Variants in KCNT2 observed in about 807,000 individuals in gnomAD.
The protein encoded by KCNT2 is potassium sodium-activated channel subfamily T member 2.
A neutral mutation model predicts 153.8 loss-of-function variants in KCNT2; 67 were observed. The ratio of observed to expected loss-of-function variants is 0.44; its 90% CI spans 0.36 to 0.53. The LOEUF (loss-of-function observed/expected upper bound fraction) is 0.53. Among genes scored for constraint, KCNT2 ranks in the 20% least tolerant of loss-of-function variants. The pLI is 0.00. For missense variants in KCNT2, 975 were observed against 1,354.8 expected (o/e 0.72, Z 4.40); for synonymous variants, 500 against 458.8 (o/e 1.09, Z -1.15).
intron 14 of KCNT2, among the ~76,000 whole-genome samples, chr1:196,369,411 G>T (rs562897190): frequency 5.3e-5 from 8 of 151,908 alleles, no homozygotes; most frequent in African/African-American, 1.9e-4. Context: ...TGCCATGCTG[G>T]TGTGCTGCAC....
intron 21 of KCNT2, among the ~76,000 whole-genome samples, chr1:196,308,636 T>C (rs1361852227): frequency 6.6e-6 from 1 of 152,000 alleles, no homozygotes; most frequent in Non-Finnish European, 1.5e-5. Flanking sequence ...TACCTCCAAT[T>C]ATTAGTTTAT....
At chr1:196,311,313 C>T (rs1662156970) in intron 21 of KCNT2, among the ~76,000 whole-genome samples, 1 of 151,772 alleles carries the variant, frequency 6.6e-6, no homozygotes, top group Non-Finnish European at 1.5e-5. Context: ...CTGACACTTA[C>T]TAGATGCTCA....
At chr1:196,302,732 T>C (rs926853115) in intron 22 of KCNT2, among the ~76,000 whole-genome samples, 1 of 148,594 alleles carries the variant, frequency 6.7e-6, no homozygotes, top group Non-Finnish European at 1.5e-5. Flanking sequence ...CAGCACAACT[T>C]TTTTTTTTTT....
At chr1:196,267,621 C>T (rs1657669259) in intron 25 of KCNT2, among the ~76,000 whole-genome samples, 1 of 152,180 alleles carries the variant, frequency 6.6e-6, no homozygotes. Context: ...CACAGTGGTG[C>T]TCGTGGGCTT....
At chr1:196,351,383 G>A (rs1355869700) in intron 14 of KCNT2, among the ~76,000 whole-genome samples, 2 of 152,106 alleles carry the variant, frequency 1.3e-5, no homozygotes, top group African/African-American at 4.8e-5. Flanking sequence ...ATTTCATTGA[G>A]CAGTGGTTTG....
chr1:196,425,595 T>C (rs1328864470), intron 11 of KCNT2, among the ~76,000 whole-genome samples: 3 of 152,010 alleles, frequency 2.0e-5, no homozygotes, highest in African/African-American at 7.2e-5. Flanking sequence ...GGCCACTTTT[T>C]TCATTGTGCT....
intron 1 of KCNT2, among the ~76,000 whole-genome samples, chr1:196,604,826 A>T (rs974058049): frequency 2.0e-5 from 3 of 152,086 alleles, no homozygotes; most frequent in African/African-American, 7.2e-5. Context: ...AAAGCAATGC[A>T]TATCTGTTAC....
intron 20 of KCNT2, among the ~76,000 whole-genome samples, chr1:196,319,134 T>C (rs989142230): frequency 6.6e-6 from 1 of 151,748 alleles, no homozygotes; most frequent in Admixed American, 6.6e-5. Flanking sequence ...TTTCCAGAAG[T>C]TATCGTAACG....
chr1:196,442,241 T>C (rs1220473394), intron 8 of KCNT2, among the ~76,000 whole-genome samples: 1 of 151,870 alleles, frequency 6.6e-6, no homozygotes, highest in Non-Finnish European at 1.5e-5. Context: ...TTAATCACTT[T>C]ACCTTTCTAC....
chr1:196,413,833 G>T (rs1301058087), intron 12 of KCNT2, among the ~76,000 whole-genome samples: 2 of 151,542 alleles, frequency 1.3e-5, no homozygotes, highest in Non-Finnish European at 3.0e-5. Flanking sequence ...CCACAGGAGA[G>T]TATTTGTAAT....
chr1:196,258,925 T>G (rs1175664320), intron 25 of KCNT2, among the ~76,000 whole-genome samples: 1 of 152,130 alleles, frequency 6.6e-6, no homozygotes, highest in African/African-American at 2.4e-5. Flanking sequence ...TTAAGATAAC[T>G]ATCTTAGATT....
intron 20 of KCNT2, 45 bp from the exon 21 acceptor site, chr1:196,316,071 C>A: frequency 6.4e-7 from 1 of 1,570,522 alleles, no homozygotes; most frequent in Non-Finnish European, 8.7e-7. Flanking sequence ...AAATAAATCA[C>A]AATGTTATAA....
chr1:196,366,803 G>GT (rs1218141945), intron 14 of KCNT2, among the ~76,000 whole-genome samples: 2 of 151,998 alleles, frequency 1.3e-5, no homozygotes, highest in Non-Finnish European at 2.9e-5. Flanking sequence ...GATTTTTCTG[G>GT]TTTTTTAAGA....
rs151095509 is a variant in KCNT2, at chr1:196,394,047, C to A, written c.1294+4516G>T. Among the ~76,000 whole-genome samples the A allele has an allele frequency of 1.4e-4, 21 of 151,518 alleles. No homozygotes were observed. The South Asian group carries it at 3.9e-3, about 28-fold the overall frequency. On this transcript the variant is annotated intron_variant, in intron 13 of 27. Coordinates refer to ENST00000294725, the MANE Select transcript of KCNT2 (RefSeq NM_198503.5). ...AAATGATTTGACATAACCAAAGCCA[C>A]GCTAACATCTGAATTTTGAACCATA...
chr1:196,329,426 A>G (rs538311689), intron 18 of KCNT2, among the ~76,000 whole-genome samples: 73 of 152,064 alleles, frequency 4.8e-4, no homozygotes, highest in Non-Finnish European at 9.3e-4. Flanking sequence ...TGCCTCCATC[A>G]ATCCTGTTCT....
rs139410476 is a variant in KCNT2, at chr1:196,331,204, A to G, written c.2055T>C (p.Cys685=). The part of the protein sequence containing the change: ...SPYIGSSPTF[C]HLLHEKVPFC... The stretch of plus-strand genomic sequence containing the variant: ...ATGGTACTTTTTCATGAAGGAGATG[A>G]CAAAAAGTGGGTGAACTTCCTATAT... The change falls in exon 18 of 28, where the codon TGT becomes TGC. Residue 685 remains cysteine (C), a synonymous_variant. Coordinates refer to ENST00000294725, the MANE Select transcript of KCNT2 (RefSeq NM_198503.5). 34 of 1,610,232 alleles carry G rather than the reference A, an allele frequency of 2.1e-5. No homozygotes were observed. The highest frequency in any genetic ancestry group is 2.8e-5 in the Non-Finnish European group (33 of 1,176,880).
intron 26 of KCNT2, among the ~76,000 whole-genome samples, chr1:196,250,432 G>T (rs1422439925): frequency 6.6e-6 from 1 of 152,004 alleles, no homozygotes. Context: ...ATCTATATGT[G>T]GAAGAATGAA....
chr1:196,511,797 T>G lies in KCNT2; in HGVS notation c.96-19456A>C, dbSNP rs188315314. 2.0e-3 allele frequency among the ~76,000 whole-genome samples: 305 copies of G among 152,282 alleles called. 3 individuals carry two copies. Among genetic ancestry groups the G allele is most frequent in the Non-Finnish European group, 2.7e-3 (181 of 68,022 alleles). ...TACAAGAACACAAGTCAGATTGGAA[T>G]AAGGTCCACCCTAACAACCTCATAT... On this transcript the variant is annotated intron_variant, in intron 1 of 27. Coordinates refer to ENST00000294725, the MANE Select transcript of KCNT2 (RefSeq NM_198503.5).
At chr1:196,416,265 C>A (rs1672744618) in intron 12 of KCNT2, among the ~76,000 whole-genome samples, 1 of 151,786 alleles carries the variant, frequency 6.6e-6, no homozygotes, top group Non-Finnish European at 1.5e-5. Context: ...TTTGGATATG[C>A]CAAAAAGAAG....
Sources: allele counts gnomAD v4.1 joint callset (sites outside exome capture counted in the v4.1 genomes callset), GRCh38; gene constraint gnomAD v4.1.1; transcripts MANE v1.5; gene names NCBI Gene and HGNC (gene_info 2026-07-23, HGNC 2026-07-21).